Variants in MNAT1 observed in about 807,000 individuals in gnomAD.
MNAT1 encodes MNAT1 component of CDK activating kinase.
MNAT1 carries 43 observed loss-of-function variants against 42.0 expected under a neutral mutation model. The ratio of observed to expected loss-of-function variants is 1.02; its 90% CI spans 0.80 to 1.32. The LOEUF (loss-of-function observed/expected upper bound fraction) is 1.32, where lower values mean the gene tolerates loss of function less well. Ranked by LOEUF, MNAT1 falls within the 40% of genes most tolerant of loss-of-function variation. MNAT1 has a pLI of 0.00. For missense variants in MNAT1, 306 were observed against 350.4 expected, an observed-to-expected ratio of 0.87 and a Z score of 1.01; for synonymous variants, 118 against 120.0, an observed-to-expected ratio of 0.98 and a Z score of 0.11.
At chr14:60,783,268 G>A (rs1475445057) in intron 1 of MNAT1, among the ~76,000 whole-genome samples, 1 of 152,172 alleles carries the variant, frequency 6.6e-6, no homozygotes, top group Admixed American at 6.5e-5. Flanking sequence ...TTGGTAGAGA[G>A]ATCCCCAGAG....
chr14:60,851,322 C>T (rs1196800690), intron 6 of MNAT1, among the ~76,000 whole-genome samples: 5 of 152,216 alleles, frequency 3.3e-5, no homozygotes, highest in African/African-American at 9.6e-5. Flanking sequence ...GCATTTTTCT[C>T]GGCAAGGATA....
intron 6 of MNAT1, among the ~76,000 whole-genome samples, chr14:60,847,466 T>C (rs1027490731): frequency 2.6e-5 from 4 of 152,158 alleles, no homozygotes; most frequent in African/African-American, 9.7e-5. Context: ...CTTATGGTTA[T>C]TGTTTACATT....
At chr14:60,913,903 T>C (rs966647791) in intron 7 of MNAT1, among the ~76,000 whole-genome samples, 4 of 152,210 alleles carry the variant, frequency 2.6e-5, no homozygotes, top group Non-Finnish European at 1.5e-5. Context: ...CTTTTGTTTG[T>C]CTGTGCCCTG....
intron 7 of MNAT1, among the ~76,000 whole-genome samples, chr14:60,933,804 A>G (rs990830600): frequency 6.6e-6 from 1 of 152,148 alleles, no homozygotes; most frequent in African/African-American, 2.4e-5. Flanking sequence ...GTTACCTTGT[A>G]TATAGAATTT....
intron 1 of MNAT1, among the ~76,000 whole-genome samples, chr14:60,763,782 A>G (rs1212439544): frequency 6.6e-6 from 1 of 152,196 alleles, no homozygotes; most frequent in African/African-American, 2.4e-5. Context: ...TAATAAATCC[A>G]TATTAATCCA....
At chr14:60,956,395 TGTTAAGATTTG>T (rs2036488521) in intron 7 of MNAT1, among the ~76,000 whole-genome samples, 1 of 152,214 alleles carries the variant, frequency 6.6e-6, no homozygotes, top group Non-Finnish European at 1.5e-5. Context: ...TTACTAAATG[TGTTAAGATTTG>T]GTTTCTGGGC....
At chr14:60,951,117 G>T (rs2036373496) in intron 7 of MNAT1, among the ~76,000 whole-genome samples, 2 of 152,020 alleles carry the variant, frequency 1.3e-5, no homozygotes. Flanking sequence ...ACATAGAGAA[G>T]CACAGAGAGT....
At position 60,934,657 on chromosome 14, in the gene MNAT1, A is replaced by G. The variant is rs1036696385; in HGVS notation, c.810-33572A>G. On this transcript the variant is annotated intron_variant, in intron 7 of 7. Transcript: ENST00000261245. The stretch of plus-strand genomic sequence containing the variant: ...GAGGCCTCCCCAGCCATGTAGAACT[A>G]TAAGTGCAATTAAACTTCTTTCTTT... Among the ~76,000 whole-genome samples, 8 of 152,240 alleles carry G rather than the reference A, an allele frequency of 5.3e-5. No homozygotes were observed. In the East Asian group the frequency reaches 7.7e-4, roughly 15 times the overall value.
At position 60,956,543 on chromosome 14, in the gene MNAT1, G is replaced by A. The variant is rs532524085; in HGVS notation, c.810-11686G>A. Among the ~76,000 whole-genome samples, 30 of 152,266 alleles carry A rather than the reference G, an allele frequency of 2.0e-4. No homozygotes were observed. The South Asian group carries it at 6.2e-3, about 32-fold the overall frequency. The stretch of plus-strand genomic sequence containing the variant: ...TTGTCTGAAGTGTAATTCCAGCTTA[G>A]TGTTCCTTTACTGATATTCTTTCTG... On this transcript the variant is annotated intron_variant, in intron 7 of 7. Coordinates refer to ENST00000261245, the MANE Select transcript of MNAT1 (RefSeq NM_002431.4).
At chr14:60,794,227 T>A (rs895431744) in intron 1 of MNAT1, among the ~76,000 whole-genome samples, 3 of 152,170 alleles carry the variant, frequency 2.0e-5, no homozygotes, top group Non-Finnish European at 4.4e-5. Flanking sequence ...TGGGTTTAAT[T>A]TCCTCTAACC....
At chr14:60,759,070 ATTGT>A (rs1230731578) in intron 1 of MNAT1, among the ~76,000 whole-genome samples, 2 of 152,124 alleles carry the variant, frequency 1.3e-5, no homozygotes, top group Admixed American at 6.5e-5. Context: ...ACTCTGAGAG[ATTGT>A]TTGAGGCAGC....
chr14:60,783,671 T>C (rs1366228980), intron 1 of MNAT1, among the ~76,000 whole-genome samples: 2 of 151,974 alleles, frequency 1.3e-5, no homozygotes, highest in African/African-American at 4.8e-5. Context: ...TAATTTTTTG[T>C]ATTTTCAGTA....
chr14:60,766,614 A>T (rs7142844), intron 1 of MNAT1, among the ~76,000 whole-genome samples: 8 of 150,874 alleles, frequency 5.3e-5, no homozygotes, highest in Admixed American at 3.9e-4. Flanking sequence ...CGGGAGGCTG[A>T]GGCACGAGAA....
At position 60,955,523 on chromosome 14, in the gene MNAT1, G is replaced by A. The variant is rs147298674; in HGVS notation, c.810-12706G>A. Among the ~76,000 whole-genome samples, 1,212 of 152,170 alleles carry A rather than the reference G, an allele frequency of 8.0e-3. 11 individuals carry two copies. The highest frequency in any genetic ancestry group is 0.027 in the African/African-American group (1,108 of 41,512). On this transcript the variant is annotated intron_variant, in intron 7 of 7. Transcript: ENST00000261245. ...CTAAAAATACAAAAATCAGCTGGGC[G>A]TGGTGGTGGGTGCCTGTAATCCCAG... is the stretch of plus-strand genomic sequence containing the variant.
At chr14:60,828,008 TG>T (rs1433214091) in intron 6 of MNAT1, among the ~76,000 whole-genome samples, 13 of 152,292 alleles carry the variant, frequency 8.5e-5, no homozygotes, top group Non-Finnish European at 1.8e-4. Flanking sequence ...AGATAATCCT[TG>T]GTGAGTATTT....
chr14:60,833,469 A>G (rs2033283371), intron 6 of MNAT1, among the ~76,000 whole-genome samples: 1 of 151,868 alleles, frequency 6.6e-6, no homozygotes, highest in Non-Finnish European at 1.5e-5. Context: ...TGTTTATGTG[A>G]TTGATTATGT....
chr14:60,845,455 A>C (rs1826370720), intron 6 of MNAT1, among the ~76,000 whole-genome samples: 1 of 151,950 alleles, frequency 6.6e-6, no homozygotes, highest in Non-Finnish European at 1.5e-5. Context: ...AATTCCCAGC[A>C]CTCTGCCTTT....
intron 7 of MNAT1, among the ~76,000 whole-genome samples, chr14:60,897,876 A>G (rs1408694659): frequency 2.0e-5 from 3 of 152,092 alleles, no homozygotes; most frequent in Non-Finnish European, 4.4e-5. Context: ...CTCATTCACT[A>G]ACCTCTCTTT....
chr14:60,752,818 G>T (rs1458222055), intron 1 of MNAT1, among the ~76,000 whole-genome samples: 2 of 152,238 alleles, frequency 1.3e-5, no homozygotes, highest in African/African-American at 2.4e-5. Flanking sequence ...AGGCTAGAGT[G>T]CAGTGGTGTG....
Sources: gnomAD v4.1 joint callset for allele counts (sites outside exome capture counted in the v4.1 genomes callset) on GRCh38, gnomAD v4.1.1 for gene constraint, MANE v1.5 for transcripts, NCBI Gene and HGNC (gene_info 2026-07-23, HGNC 2026-07-21) for gene names.